Variants in SCLT1 observed in about 807,000 individuals in gnomAD.
SCLT1 encodes sodium channel-associated protein 1.
Under a neutral mutation model 112.8 loss-of-function variants are expected in SCLT1, and 78 were observed. The ratio of observed to expected loss-of-function variants is 0.69; its 90% CI spans 0.58 to 0.83. The LOEUF (loss-of-function observed/expected upper bound fraction) is 0.83, where lower values mean the gene tolerates loss of function less well. Among genes scored for constraint, SCLT1 ranks in the 40% least tolerant of loss-of-function variants. The pLI is 0.00. For missense variants in SCLT1, 747 were observed against 770.4 expected (o/e 0.97, Z 0.36); for synonymous variants, 257 against 254.7 (o/e 1.01, Z -0.09).
chr4:129,053,967 A>G (rs751912916), intron 2 of SCLT1, among the ~76,000 whole-genome samples: 6 of 152,070 alleles, frequency 3.9e-5, no homozygotes, highest in Non-Finnish European at 8.8e-5. Context: ...AAAATCCCTC[A>G]GCATTTCCTT....
intron 18 of SCLT1, among the ~76,000 whole-genome samples, chr4:128,894,470 T>A (rs1236486503): frequency 6.6e-6 from 1 of 151,844 alleles, no homozygotes; most frequent in African/African-American, 2.4e-5. Context: ...AAAATTTATA[T>A]ACTTACTTGG....
At chr4:129,014,138 G>A (rs1192100797) in intron 5 of SCLT1, among the ~76,000 whole-genome samples, 1 of 151,996 alleles carries the variant, frequency 6.6e-6, no homozygotes, top group Non-Finnish European at 1.5e-5. Flanking sequence ...AATTATTGTA[G>A]TGTCTTTTTC....
chr4:128,873,278 A>AAAAAAAAAAAAAAAAAAAAAC (rs1732337334), intron 5 of SCLT1: 1 of 150,478 alleles, frequency 6.6e-6, no homozygotes, highest in Admixed American at 6.6e-5. Context: ...AAAAAGAAAA[A>AAAAAAAAAAAAAAAAAAAAAC]AAGAAAAAAA....
intron 12 of SCLT1, among the ~76,000 whole-genome samples, chr4:128,958,548 T>C (rs1560892739): frequency 2.6e-5 from 4 of 151,456 alleles, no homozygotes; most frequent in Admixed American, 1.3e-4. Context: ...ATTTTCTCTG[T>C]CCACTGTGCT....
intron 5 of SCLT1, among the ~76,000 whole-genome samples, chr4:129,009,030 T>C (rs929590122): frequency 1.1e-4 from 16 of 152,260 alleles, no homozygotes; most frequent in African/African-American, 3.9e-4. Flanking sequence ...TTCCATTGTA[T>C]ATATGTACCA....
intron 5 of SCLT1, among the ~76,000 whole-genome samples, chr4:129,022,112 C>A (rs2075044108): frequency 2.0e-5 from 3 of 146,660 alleles, no homozygotes; most frequent in Admixed American, 1.3e-4. Flanking sequence ...ACATAAAAGA[C>A]CCCCCCACAA....
chr4:128,997,710 G>A (rs1316438849), intron 8 of SCLT1, among the ~76,000 whole-genome samples, 164 bp downstream of exon 8: 1 of 151,776 alleles, frequency 6.6e-6, no homozygotes, highest in Non-Finnish European at 1.5e-5. Context: ...ATCTCCAAAA[G>A]GTACTGTAAA....
At chr4:128,931,934 T>A (rs1736803913) in intron 18 of SCLT1, among the ~76,000 whole-genome samples, 1 of 141,212 alleles carries the variant, frequency 7.1e-6, no homozygotes, top group Non-Finnish European at 1.5e-5. Context: ...CTAAAATCTA[T>A]TATATTTCTA....
intron 2 of SCLT1, among the ~76,000 whole-genome samples, chr4:129,053,686 A>T (rs1483716903): frequency 2.7e-5 from 4 of 148,042 alleles, no homozygotes; most frequent in African/African-American, 7.5e-5. Context: ...CAGCGGACTG[A>T]TGGGTCTTGA....
rs1054359596 is a variant in SCLT1 at position 129,022,666 on chromosome 4, C to G, written c.290+16375G>C. Among the ~76,000 whole-genome samples the G allele has an allele frequency of 2.0e-5, 3 of 152,194 alleles. No individual in the cohort carries two copies. The South Asian group carries it at 6.2e-4, about 32-fold the overall frequency. On this transcript the variant is annotated intron_variant, in intron 5 of 20. Coordinates refer to ENST00000281142, the MANE Select transcript of SCLT1 (RefSeq NM_144643.4). ...CTATGTGAAAAGACCAAACCTACGA[C>G]TGACTGGGGAACCTGAAAGTGACAG...
chr4:128,898,200 C>A, intron 18 of SCLT1, among the ~76,000 whole-genome samples: 1 of 152,138 alleles, frequency 6.6e-6, no homozygotes, highest in Non-Finnish European at 1.5e-5. Context: ...AACTCTCCAC[C>A]CCAAATCAAC....
intron 9 of SCLT1, among the ~76,000 whole-genome samples, chr4:128,986,579 A>G (rs1742114565): frequency 6.6e-6 from 1 of 152,186 alleles, no homozygotes; most frequent in South Asian, 2.1e-4. Context: ...GGAAAGGGGA[A>G]GAAAGAGTAT....
At chr4:128,963,265 T>A (rs1739895060) in intron 11 of SCLT1, among the ~76,000 whole-genome samples, 1 of 152,196 alleles carries the variant, frequency 6.6e-6, no homozygotes. Flanking sequence ...AAAACCCTAT[T>A]TTTAATAGTA....
chr4:128,930,850 G>T (rs917576738), intron 18 of SCLT1, among the ~76,000 whole-genome samples: 1 of 152,176 alleles, frequency 6.6e-6, no homozygotes, highest in Admixed American at 6.5e-5. Flanking sequence ...AAAGCTGCAG[G>T]AGGGTGCAGT....
chr4:129,040,633 G>C (rs1057026212), intron 4 of SCLT1, among the ~76,000 whole-genome samples: 2 of 152,230 alleles, frequency 1.3e-5, no homozygotes, highest in Middle Eastern at 3.4e-3. Context: ...ATTTACATTT[G>C]GAAGGAAGTG....
intron 2 of SCLT1, among the ~76,000 whole-genome samples, chr4:129,046,789 G>A (rs1409029844): frequency 6.6e-6 from 1 of 152,004 alleles, no homozygotes; most frequent in African/African-American, 2.4e-5. Flanking sequence ...TCTCCCACAG[G>A]CAGTATATGA....
At chr4:129,012,286 C>T (rs1034215956) in intron 5 of SCLT1, among the ~76,000 whole-genome samples, 5 of 152,132 alleles carry the variant, frequency 3.3e-5, no homozygotes, top group Non-Finnish European at 7.3e-5. Context: ...TCATTATTTA[C>T]CCAAACGTCA....
At chr4:128,956,557 A>G in intron 13 of SCLT1, among the ~76,000 whole-genome samples, 1 of 152,118 alleles carries the variant, frequency 6.6e-6, no homozygotes, top group Non-Finnish European at 1.5e-5. Context: ...GATTCTGTAA[A>G]AGTAATAGAT....
intron 18 of SCLT1, among the ~76,000 whole-genome samples, chr4:128,898,938 T>C (rs999240493): frequency 2.6e-5 from 4 of 152,210 alleles, no homozygotes; most frequent in African/African-American, 9.6e-5. Flanking sequence ...AATGGATAAA[T>C]TCCTTGACAC....
Sources: gnomAD v4.1 joint callset for allele counts (sites outside exome capture counted in the v4.1 genomes callset) on GRCh38, gnomAD v4.1.1 for gene constraint, MANE v1.5 for transcripts, NCBI Gene and HGNC (gene_info 2026-07-23, HGNC 2026-07-21) for gene names.